Variants in ABCG8 observed in about 807,000 individuals in gnomAD.
The protein encoded by ABCG8 is ATP binding cassette subfamily G member 8.
ABCG8 carries 81 observed loss-of-function variants against 71.3 expected under a neutral mutation model. The ratio of observed to expected loss-of-function variants is 1.14; its 90% CI spans 0.95 to 1.37. The LOEUF is 1.37. ABCG8 is among the 40% of genes most tolerant of loss of function. The pLI, the probability that ABCG8 is intolerant of heterozygous loss-of-function variation, is 0.00. For missense variants in ABCG8, 1,119 were observed against 866.2 expected, an observed-to-expected ratio of 1.29 and a Z score of -3.66; for synonymous variants, 451 against 354.7, an observed-to-expected ratio of 1.27 and a Z score of -3.05.
intron 11 of ABCG8, among the ~76,000 whole-genome samples, chr2:43,876,741 T>C (rs1035985023): frequency 7.1e-5 from 10 of 140,160 alleles, no homozygotes; most frequent in African/African-American, 2.5e-4. Flanking sequence ...TGTGGGAATA[T>C]GGGAGAGAGA....
At position 43,878,113 on chromosome 2, in the gene ABCG8, C is replaced by G; in HGVS notation, c.*200C>G. On this transcript the variant is annotated 3_prime_UTR_variant, in exon 13 of 13. Transcript: ENST00000272286. ...AAGACAGTCGAAAGGGATTTCTGCTCACTGGCAGGAGACTGCGATGACTGG... is the reference window on the plus strand; with the variant it reads ...AAGACAGTCGAAAGGGATTTCTGCTGACTGGCAGGAGACTGCGATGACTGG... 4.1e-6 allele frequency: 3 copies of G among 733,068 alleles called. No individual in the cohort carries two copies. The South Asian group carries it at 5.1e-5, about 12-fold the overall frequency. 45.4% of individuals were successfully genotyped at this position (733,068 alleles called of 1,614,324 possible). A position where few individuals can be genotyped will look rare whatever the true frequency, so the allele number is the denominator to read the frequency against.
chr2:43,843,357 G>A (rs1238647275), intron 1 of ABCG8, among the ~76,000 whole-genome samples: 1 of 152,172 alleles, frequency 6.6e-6, no homozygotes, highest in Non-Finnish European at 1.5e-5. Flanking sequence ...AAGTGTACTT[G>A]TTCCTGCCTG....
chr2:43,858,022 A>C (rs1251760164), intron 6 of ABCG8, among the ~76,000 whole-genome samples: 1 of 148,616 alleles, frequency 6.7e-6, no homozygotes, highest in Non-Finnish European at 1.5e-5. Flanking sequence ...AGAACTCTCA[A>C]TATATATCTG....
chr2:43,854,596 C>T (rs1669037022), intron 6 of ABCG8, among the ~76,000 whole-genome samples: 1 of 131,120 alleles, frequency 7.6e-6, no homozygotes. Context: ...CACTGCACCC[C>T]AGTCTGGGCG....
intron 1 of ABCG8, among the ~76,000 whole-genome samples, chr2:43,841,152 C>A (rs10179921): frequency 6.6e-6 from 1 of 152,164 alleles, no homozygotes; most frequent in Non-Finnish European, 1.5e-5. Flanking sequence ...TCTTGCCAAC[C>A]CTCCAGCCGT....
intron 6 of ABCG8, among the ~76,000 whole-genome samples, chr2:43,859,990 TC>T (rs1297778161): frequency 1.3e-5 from 2 of 151,334 alleles, no homozygotes; most frequent in Admixed American, 1.3e-4. Context: ...GATAGAATTC[TC>T]ACCCTCTGGA....
At chr2:43,846,461 A>G in intron 3 of ABCG8, 150 bp downstream of exon 3, 3 of 1,171,890 alleles carry the variant, frequency 2.6e-6, no homozygotes, top group South Asian at 2.6e-5. Context: ...GGTCAGACAG[A>G]CCTGGGCTCA....
At chr2:43,871,164 C>T (rs777953640) in intron 6 of ABCG8, among the ~76,000 whole-genome samples, 2 of 151,978 alleles carry the variant, frequency 1.3e-5, no homozygotes, top group Non-Finnish European at 2.9e-5. Context: ...CTGTCACTAT[C>T]TATCTGGATA....
chr2:43,874,033 C>G (rs1669872009), intron 9 of ABCG8, 47 bp downstream of exon 9: 1 of 1,595,536 alleles, frequency 6.3e-7, no homozygotes, highest in African/African-American at 1.3e-5. Flanking sequence ...CAGCCACCTC[C>G]AAGCTGTGTT....
chr2:43,866,982 G>A (rs1490665227), intron 6 of ABCG8, among the ~76,000 whole-genome samples: 1 of 151,674 alleles, frequency 6.6e-6, no homozygotes, highest in Non-Finnish European at 1.5e-5. Context: ...TTAAGAAAAT[G>A]TGGCACATAT....
chr2:43,851,447 T>C lies in ABCG8; in HGVS notation c.323-137T>C, dbSNP rs1353577438. 3 of 962,886 alleles carry C rather than the reference T, an allele frequency of 3.1e-6. No homozygotes were observed. The Admixed American group carries it at 5.9e-5, about 19-fold the overall frequency. 59.6% of individuals were successfully genotyped at this position (962,886 alleles called of 1,614,324 possible). A position where few individuals can be genotyped will look rare whatever the true frequency, so the allele number is the denominator to read the frequency against. ...CCACCCCATCTAGGTCCAGGGACTATGCCACCTCTCTAGGGGCTGGTCACA... is the reference window on the plus strand; with the variant it reads ...CCACCCCATCTAGGTCCAGGGACTACGCCACCTCTCTAGGGGCTGGTCACA... On this transcript the variant is annotated intron_variant, in intron 3 of 12. Coordinates refer to ENST00000272286, the MANE Select transcript of ABCG8 (RefSeq NM_022437.3).
At chr2:43,849,618 G>A (rs1205088581) in intron 3 of ABCG8, among the ~76,000 whole-genome samples, 1 of 152,146 alleles carries the variant, frequency 6.6e-6, no homozygotes, top group African/African-American at 2.4e-5. Flanking sequence ...CCATTGGAAG[G>A]CTCCCCACCG....
chr2:43,872,055 G>C lies in ABCG8; in HGVS notation c.1044G>C (p.Leu348=). ...AGAAGGCTCAGTCACTCGCAGCCCTGTTTCTAGAAAAAGTGCGTGACTTAG... is the reference window on the plus strand; with the variant it reads ...AGAAGGCTCAGTCACTCGCAGCCCTCTTTCTAGAAAAAGTGCGTGACTTAG... ...TREKAQSLAA[L]FLEKVRDLDD... The change falls in exon 7 of 13, where the codon CTG becomes CTC. Residue 348 remains leucine (L), a synonymous_variant. Coordinates refer to ENST00000272286, the MANE Select transcript of ABCG8 (RefSeq NM_022437.3). 6.2e-7 allele frequency: 1 copy of C among 1,614,096 alleles called. No homozygotes were observed. The highest frequency in any genetic ancestry group is 8.5e-7 in the Non-Finnish European group (1 of 1,180,040).
intron 6 of ABCG8, among the ~76,000 whole-genome samples, chr2:43,859,203 C>G (rs1040422286): frequency 1.3e-5 from 2 of 151,080 alleles, no homozygotes; most frequent in African/African-American, 2.4e-5. Context: ...ATAGAATTCT[C>G]TCCCTCTGGA....
In ABCG8 at chr2:43,878,186, C is replaced by T. The variant is rs902595685; in HGVS notation, c.*273C>T. ...ACCTACAACGTTGCTAATTTATTTC[C>T]TTTTGATATGCATTTATATAGGCAA... is the stretch of plus-strand genomic sequence containing the variant. On this transcript the variant is annotated 3_prime_UTR_variant, in exon 13 of 13. Transcript: ENST00000272286. 2.6e-5 allele frequency: 13 copies of T among 500,680 alleles called. No homozygotes were observed. The highest frequency in any genetic ancestry group is 6.0e-5 in the South Asian group (3 of 49,616). The allele number at this position is 500,680 out of a possible 1,614,324, so 31.0% of individuals were successfully genotyped here.
At chr2:43,865,201 T>G (rs1172911279) in intron 6 of ABCG8, among the ~76,000 whole-genome samples, 3 of 145,096 alleles carry the variant, frequency 2.1e-5, no homozygotes, top group Non-Finnish European at 4.6e-5. Flanking sequence ...TCTCACTATC[T>G]AGATAGAATT....
Position 43,874,025 on chromosome 2 carries a change from G to C in ABCG8, c.1411+39G>C, listed in dbSNP as rs375352789. 1.0e-3 allele frequency: 1,685 copies of C among 1,607,872 alleles called. 3 individuals carry two copies. The highest frequency in any genetic ancestry group is 1.3e-3 in the Non-Finnish European group (1,547 of 1,176,678). ...ACTGGCATGGGCAGGCAGGACCTCA[G>C]CCACCTCCAAGCTGTGTTCCTCTGA... On this transcript the variant is annotated intron_variant, in intron 9 of 12. Transcript: ENST00000272286.
chr2:43,844,906 T>G (rs1325764881), intron 2 of ABCG8, among the ~76,000 whole-genome samples: 1 of 152,048 alleles, frequency 6.6e-6, no homozygotes, highest in Non-Finnish European at 1.5e-5. Context: ...TGAAATAACT[T>G]TAGATTTTGG....
intron 3 of ABCG8, chr2:43,848,672 CT>C (rs1668819231): frequency 6.6e-6 from 1 of 152,158 alleles, no homozygotes; most frequent in Non-Finnish European, 1.5e-5. Flanking sequence ...CCCTCTCCCC[CT>C]GCCCAACATA....
Sources: allele counts gnomAD v4.1 joint callset (sites outside exome capture counted in the v4.1 genomes callset), GRCh38; gene constraint gnomAD v4.1.1; transcripts MANE v1.5; gene names NCBI Gene and HGNC (gene_info 2026-07-23, HGNC 2026-07-21).